RELA: variants seen among roughly 807,000 people sequenced by gnomAD.
RELA encodes the protein RELA proto-oncogene, NF-kB subunit.
In RELA, 14 loss-of-function variants were observed where a neutral mutation model predicts 56.7. The observed-to-expected ratio is 0.25, with a 90% confidence interval of 0.16 to 0.39. RELA has a LOEUF of 0.39. Among genes scored for constraint, RELA ranks in the 10% least tolerant of loss-of-function variants. RELA has a pLI of 1.00. For synonymous variants in RELA, 315 were observed against 289.7 expected, an observed-to-expected ratio of 1.09 and a Z score of -0.89; for missense variants, 559 against 736.4, an observed-to-expected ratio of 0.76 and a Z score of 2.79.
rs1565189032 is a variant in RELA, at chr11:65,655,926, T to A, written c.887A>T (p.His296Leu). 1 of 1,613,998 alleles carries A rather than the reference T, an allele frequency of 6.2e-7. No individual in the cohort carries two copies. Among genetic ancestry groups the A allele is most frequent in the Non-Finnish European group, 8.5e-7 (1 of 1,179,906 alleles). ...CCTTTTACGTTTCTCCTCAATCCGG[T>A]GACGATCGTCTGGGAAAGTAAGGGG... ...FQYLPDTDDR[H>L]RIEEKRKRTY... Residue 296 changes from histidine to leucine, a missense_variant, in exon 9 of 11, where the codon CAC becomes CTC. This residue lies in a region of RELA where 365 missense variants were observed against 387.5 expected (regional missense o/e 0.94). Coordinates refer to ENST00000406246, the MANE Select transcript of RELA (RefSeq NM_021975.4).
In RELA at chr11:65,658,344, G is replaced by T; in HGVS notation, c.820C>A (p.Arg274=). ...APVRVSMQLR[R]PSDRELSEPM... ...TCACTGAGCTCCCGGTCGGAAGGCC[G>T]CCGCAGCTGCATGGAGACACGCACA... Residue 274 remains arginine, a synonymous_variant, in exon 8 of 11, where the codon CGG becomes AGG. Transcript: ENST00000406246. The surrounding 1 kb of genome is among the most constrained non-coding windows in gnomAD (Gnocchi z 4.5). 6.2e-7 allele frequency: 1 copy of T among 1,612,856 alleles called. No individual in the cohort carries two copies. Among genetic ancestry groups the T allele is most frequent in the Non-Finnish European group, 8.5e-7 (1 of 1,179,624 alleles).
chr11:65,663,408 C>T (rs1052947270), upstream of RELA, among the ~76,000 whole-genome samples: 4 of 152,200 alleles, frequency 2.6e-5, no homozygotes, highest in African/African-American at 7.2e-5. Context: ...GTTAAAATGT[C>T]CTACCCACCC....
chr11:65,660,618 C>T (rs540471701), intron 4 of RELA: 23 of 210,116 alleles, frequency 1.1e-4, no homozygotes, highest in South Asian at 4.1e-4. Flanking sequence ...TCATCACACA[C>T]CAGCTCCCCT....
intron 5 of RELA, 34 bp downstream of exon 5, chr11:65,660,090 A>C: frequency 6.3e-7 from 1 of 1,591,420 alleles, no homozygotes; most frequent in South Asian, 1.1e-5. Flanking sequence ...AGGGTGACAG[A>C]GGGTGCGGGT....
chr11:65,656,902 G>A (rs1271836486), intron 8 of RELA, among the ~76,000 whole-genome samples: 1 of 152,144 alleles, frequency 6.6e-6, no homozygotes, highest in Non-Finnish European at 1.5e-5. Flanking sequence ...GCGGGCGCCT[G>A]TAGTCCCAGC....
intron 8 of RELA, among the ~76,000 whole-genome samples, chr11:65,657,786 G>C (rs1296317541): frequency 6.6e-6 from 1 of 152,206 alleles, no homozygotes; most frequent in Non-Finnish European, 1.5e-5. Context: ...TTCCTCAAGT[G>C]ACTGAGACTC....
In RELA at chr11:65,654,247, C is replaced by T; in HGVS notation, c.*131G>A. On this transcript the variant is annotated 3_prime_UTR_variant, in exon 11 of 11. Transcript: ENST00000406246. ...CTGACAATAAAAGAATAAAATATGG[C>T]TCCCCCCTCCAAGGAAGACATCCAC... The T allele has an allele frequency of 9.2e-7, 1 of 1,088,256 alleles. No individual in the cohort carries two copies. The highest frequency in any genetic ancestry group is 1.3e-5 in the South Asian group (1 of 75,954). The allele number at this position is 1,088,256 out of a possible 1,614,324, so 67.4% of individuals were successfully genotyped here.
chr11:65,660,397 CG>C, intron 4 of RELA, 182 bp from the exon 5 acceptor site: 1 of 617,714 alleles, frequency 1.6e-6, no homozygotes, highest in South Asian at 2.0e-5. Flanking sequence ...CAAGCACCTC[CG>C]TGCCCCTGCC....
rs372871850 is a variant in RELA at position 65,662,069 on chromosome 11, G to A, written c.54C>T (p.Gly18=). 43 of 1,611,716 alleles carry A rather than the reference G, an allele frequency of 2.7e-5. No homozygotes were observed. The highest frequency in any genetic ancestry group is 3.5e-5 in the Non-Finnish European group (41 of 1,179,262). Residue 18 remains glycine, a synonymous_variant, in exon 3 of 11, where the codon GGC becomes GGT. Transcript: ENST00000406246. ...GCTGCTCAATGATCTCCACATAGGG[G>A]CCAGAGGCCTGGGCTGGCTCTGCCA... ...IFPAEPAQAS[G]PYVEIIEQPK... is the part of the protein sequence containing the mutation.
At chr11:65,655,959 G>A (rs1345645775) in intron 8 of RELA, 24 bp from the exon 9 acceptor site, 2 of 1,607,188 alleles carry the variant, frequency 1.2e-6, no homozygotes, top group South Asian at 1.1e-5. Context: ...GGGGAGAAGT[G>A]GGACTTGCTC....
rs1856539912 is a variant in RELA, at chr11:65,660,588, C to A, written c.336-373G>T. The stretch of plus-strand genomic sequence containing the variant: ...CAAGTCTTAGCTGAGGGAGGCCTTC[C>A]CTGACCTCCCAATCTAAAGTCATCA... On this transcript the variant is annotated intron_variant, in intron 4 of 10. Transcript: ENST00000406246. The A allele has an allele frequency of 2.9e-5, 7 of 244,150 alleles. No individual in the cohort carries two copies. The South Asian group carries it at 3.6e-4, about 13-fold the overall frequency. 15.1% of individuals were successfully genotyped at this position (244,150 alleles called of 1,614,324 possible).
In RELA at chr11:65,662,103, C is replaced by A; in HGVS notation, c.35-15G>T. The A allele has an allele frequency of 1.9e-6, 3 of 1,606,272 alleles. No homozygotes were observed. Among genetic ancestry groups the A allele is most frequent in the Non-Finnish European group, 2.5e-6 (3 of 1,176,940 alleles). ...CTGGGCTGGCTCTGCCAGGGGACAC[C>A]GCAGCCCCATTAGGCGGCTGCCCCC... On this transcript the variant is annotated splice_polypyrimidine_tract_variant and intron_variant, in intron 2 of 10. Transcript: ENST00000406246.
intron 1 of RELA, chr11:65,662,600 C>A: frequency 2.6e-6 from 1 of 379,620 alleles, no homozygotes; most frequent in Non-Finnish European, 4.6e-6. Flanking sequence ...CCTCTGCTCC[C>A]CCACCCAGGG....
Position 65,654,101 on chromosome 11 carries a change from T to C in RELA, c.*277A>G. ...GGGGATGGGGGACCCCAGAGTTCCC[T>C]ACAGAGAAGGGAGCTGACCATCAGG... is the stretch of plus-strand genomic sequence containing the variant. On this transcript the variant is annotated 3_prime_UTR_variant, in exon 11 of 11. Coordinates refer to ENST00000406246, the MANE Select transcript of RELA (RefSeq NM_021975.4). The C allele has an allele frequency of 2.1e-6, 1 of 486,860 alleles. No individual in the cohort carries two copies. Among genetic ancestry groups the C allele is most frequent in the Non-Finnish European group, 3.8e-6 (1 of 266,538 alleles). 30.2% of individuals were successfully genotyped at this position (486,860 alleles called of 1,614,324 possible).
Position 65,661,763 on chromosome 11 carries a change from G to C in RELA, c.259C>G (p.Pro87Ala), listed in dbSNP as rs1856573262. ...VTKDPPHRPH[P>A]HELVGKDCRD... ...CAGTCCTTTCCTACAAGCTCGTGGG[G>C]GTGAGGCCGGTGAGGAGGGTCCTTG... Residue 87 changes from proline to alanine, a missense_variant, in exon 4 of 11, where the codon CCC (proline) becomes GCC (alanine). Physicochemically the swap from Pro to Ala is conservative, Grantham distance 27 (BLOSUM62 -1). Around this residue, in one of 4 missense-constraint regions of RELA, gnomAD observed 149 missense variants for 256.0 expected, o/e 0.58. Transcript: ENST00000406246. The C allele has an allele frequency of 6.2e-7, 1 of 1,613,818 alleles. No homozygotes were observed. The highest frequency in any genetic ancestry group is 8.5e-7 in the Non-Finnish European group (1 of 1,179,960).
At position 65,658,444 on chromosome 11, in the gene RELA, C is replaced by A. The variant is rs773457000; in HGVS notation, c.720G>T (p.Ser240=). ...GPGWEARGSF[S]QADVHRQVAI... The stretch of plus-strand genomic sequence containing the variant: ...CCACTTGTCGGTGCACATCAGCTTG[C>A]GAAAAGGAGCCTCGGGCCTCCCAGC... Residue 240 remains serine (S), a synonymous_variant, in exon 8 of 11, where the codon TCG becomes TCT. Coordinates refer to ENST00000406246, the MANE Select transcript of RELA (RefSeq NM_021975.4). The surrounding 1 kb of genome is among the most constrained non-coding windows in gnomAD (Gnocchi z 4.5). 1.2e-6 allele frequency: 2 copies of A among 1,613,174 alleles called. No individual in the cohort carries two copies. Among genetic ancestry groups the A allele is most frequent in the Non-Finnish European group, 1.7e-6 (2 of 1,179,332 alleles).
In RELA at chr11:65,662,880, G is replaced by C. The variant is rs531722523; in HGVS notation, c.-48C>G. On this transcript the variant is annotated 5_prime_UTR_variant, in exon 1 of 11. Transcript: ENST00000406246. Reference sequence around the variant, plus strand: ...CCGGGGTCGCAGCTGGGCCCGCGGCGTGCACTACAGACGAGCCATTCGCCA... The same window carrying C: ...CCGGGGTCGCAGCTGGGCCCGCGGCCTGCACTACAGACGAGCCATTCGCCA... The C allele has an allele frequency of 1.7e-6, 2 of 1,182,836 alleles. No homozygotes were observed. The allele number at this position is 1,182,836 out of a possible 1,614,324, so 73.3% of individuals were successfully genotyped here. A position where few individuals can be genotyped will look rare whatever the true frequency, so the allele number is the denominator to read the frequency against.
chr11:65,654,390 C>A lies in RELA; in HGVS notation c.1644G>T (p.Gln548His). 3 of 1,613,350 alleles carry A rather than the reference C, an allele frequency of 1.9e-6. No homozygotes were observed. The highest frequency in any genetic ancestry group is 2.5e-6 in the Non-Finnish European group (3 of 1,179,712). ...ADMDFSALLSQISS is the reference protein window; with the variant it reads ...ADMDFSALLSHISS ...AGGCGTCACCCCCTTAGGAGCTGAT[C>A]TGACTCAGCAGGGCTGAGAAGTCCA... Residue 548 changes from glutamine (Q) to histidine (H), a missense_variant, in exon 11 of 11, where the codon CAG becomes CAT. By Grantham distance (24) the Gln-to-His change is conservative. Coordinates refer to ENST00000406246, the MANE Select transcript of RELA (RefSeq NM_021975.4).
chr11:65,657,718 G>A (rs1376145590), intron 8 of RELA, among the ~76,000 whole-genome samples: 1 of 152,162 alleles, frequency 6.6e-6, no homozygotes, highest in South Asian at 2.1e-4. Flanking sequence ...GCTTCTCTGC[G>A]CACACCTCCA....
Sources: gnomAD v4.1 joint callset for allele counts (sites outside exome capture counted in the v4.1 genomes callset) on GRCh38, gnomAD v4.1.1 for gene constraint, gnomAD v4.1.1 regional missense constraint, Gnocchi (gnomAD v3.1) non-coding constraint, MANE v1.5 for transcripts, NCBI Gene and HGNC (gene_info 2026-07-23, HGNC 2026-07-21) for gene names.